Variants in TTC23 observed in about 807,000 individuals in gnomAD.
TTC23 encodes the protein tetratricopeptide repeat protein 23.
A neutral mutation model predicts 55.1 loss-of-function variants in TTC23; 58 were observed. That is an observed-to-expected ratio of 1.05 (90% CI 0.85 to 1.31). The LOEUF is 1.31. Ranked by LOEUF, TTC23 falls within the 50% of genes most tolerant of loss-of-function variation. The pLI, the probability that TTC23 is intolerant of heterozygous loss-of-function variation, is 0.00. For missense variants in TTC23, 516 were observed against 534.4 expected (o/e 0.97, Z 0.34); for synonymous variants, 203 against 199.9 (o/e 1.02, Z -0.13).
chr15:99,195,750 T>C (rs1025685848), intron 9 of TTC23, among the ~76,000 whole-genome samples: 5 of 151,836 alleles, frequency 3.3e-5, no homozygotes, highest in Admixed American at 2.6e-4. Flanking sequence ...GATGTGTCAA[T>C]GTAGGCTCAT....
At chr15:99,143,463 C>G (rs1307808722) in intron 12 of TTC23, among the ~76,000 whole-genome samples, 1 of 152,216 alleles carries the variant, frequency 6.6e-6, no homozygotes, top group Non-Finnish European at 1.5e-5. Flanking sequence ...CAAACCTTGA[C>G]AGTAGAACAT....
At chr15:99,182,768 T>C (rs948601451) in intron 9 of TTC23, among the ~76,000 whole-genome samples, 4 of 151,978 alleles carry the variant, frequency 2.6e-5, no homozygotes, top group African/African-American at 9.7e-5. Flanking sequence ...CTTTCCTATA[T>C]AGCTTGATTT....
chr15:99,162,324 G>T (rs1465704150), intron 10 of TTC23, among the ~76,000 whole-genome samples: 2 of 152,140 alleles, frequency 1.3e-5, no homozygotes, highest in Non-Finnish European at 2.9e-5. Context: ...AAATATTGCT[G>T]ACATGCCGCT....
At chr15:99,212,924 G>T (rs558340909) in intron 8 of TTC23, among the ~76,000 whole-genome samples, 226 of 147,680 alleles carry the variant, frequency 1.5e-3, no homozygotes, top group African/African-American at 5.4e-3. Flanking sequence ...GGTCAAGGCT[G>T]CCGTGAGCTG....
intron 9 of TTC23, among the ~76,000 whole-genome samples, chr15:99,186,800 A>G (rs2074708288): frequency 6.6e-6 from 1 of 152,168 alleles, no homozygotes; most frequent in South Asian, 2.1e-4. Context: ...AATGACATGA[A>G]AGAAGAGCTA....
rs1399001045 is a variant in TTC23, at chr15:99,168,571, G to C, written c.865+6479C>G. Among the ~76,000 whole-genome samples the C allele has an allele frequency of 2.0e-5, 3 of 152,206 alleles. No individual in the cohort carries two copies. The East Asian group carries it at 5.8e-4, about 29-fold the overall frequency. ...TGAACGCAAATTACAAACCAGCTCA[G>C]AAGTGAAAAACCCGAACCTCATGAA... On this transcript the variant is annotated intron_variant, in intron 10 of 13. Coordinates refer to ENST00000394132, the MANE Select transcript of TTC23 (RefSeq NM_001288615.3).
At chr15:99,232,207 C>T (rs373957640) in intron 4 of TTC23, among the ~76,000 whole-genome samples, 60 of 151,616 alleles carry the variant, frequency 4.0e-4, no homozygotes, top group African/African-American at 1.1e-3. Flanking sequence ...TGGCGGGGCG[C>T]GGTGGCTCAC....
chr15:99,197,621 G>A (rs2075853434), intron 9 of TTC23, among the ~76,000 whole-genome samples: 1 of 151,976 alleles, frequency 6.6e-6, no homozygotes, highest in Non-Finnish European at 1.5e-5. Context: ...AAAAAGGGAG[G>A]GAGGCCAGGC....
At chr15:99,166,561 T>G (rs2072124994) in intron 10 of TTC23, among the ~76,000 whole-genome samples, 1 of 152,154 alleles carries the variant, frequency 6.6e-6, no homozygotes, top group South Asian at 2.1e-4. Context: ...AAGGAGTGTA[T>G]TCCTTACATG....
At chr15:99,218,490 C>A in intron 8 of TTC23, 98 bp downstream of exon 8, 1 of 1,508,632 alleles carries the variant, frequency 6.6e-7, no homozygotes, top group Non-Finnish European at 9.1e-7. Flanking sequence ...GAAGCCATGG[C>A]CGCAGCCTCA....
chr15:99,162,081 T>C (rs774792514), intron 10 of TTC23, among the ~76,000 whole-genome samples: 1 of 152,218 alleles, frequency 6.6e-6, no homozygotes, highest in East Asian at 1.9e-4. Flanking sequence ...TTAATTTTCA[T>C]ACATCTAGCT....
intron 5 of TTC23, among the ~76,000 whole-genome samples, chr15:99,226,479 T>C (rs987278314): frequency 3.9e-5 from 6 of 152,174 alleles, no homozygotes; most frequent in Admixed American, 6.5e-5. Flanking sequence ...TATTTTAAAA[T>C]ACAAAATTAC....
intron 8 of TTC23, among the ~76,000 whole-genome samples, chr15:99,210,301 A>G (rs12324187): frequency 0.45 from 68,958 of 151,918 alleles, 15,719 homozygotes; most frequent in Middle Eastern, 0.59. Context: ...AAGCAGATAA[A>G]GTATATGAGA....
intron 9 of TTC23, among the ~76,000 whole-genome samples, chr15:99,197,993 CT>C (rs1567458004): frequency 6.6e-6 from 1 of 152,126 alleles, no homozygotes. Context: ...GGCAGTCTTT[CT>C]CTGTTTCATT....
At chr15:99,141,409 T>C (rs1367730480) in intron 12 of TTC23, among the ~76,000 whole-genome samples, 3 of 152,096 alleles carry the variant, frequency 2.0e-5, no homozygotes, top group East Asian at 1.9e-4. Context: ...GGGAATGATA[T>C]CAAATTTAAA....
In TTC23 at chr15:99,240,376, A is replaced by C. The variant is rs2079670176; in HGVS notation, c.-114+989T>G. ...ATTTATTCTGAGCACTCATAGGCTC[A>C]TCTAACTTGTATATATATATTTTTT... On this transcript the variant is annotated intron_variant, in intron 3 of 13. Transcript: ENST00000394132. Among the ~76,000 whole-genome samples the C allele has an allele frequency of 3.3e-5, 5 of 152,220 alleles. No homozygotes were observed. In the South Asian group the frequency reaches 1.0e-3, roughly 31 times the overall value.
At chr15:99,138,398 C>G (rs4965215) in intron 13 of TTC23, among the ~76,000 whole-genome samples, 13,184 of 151,916 alleles carry the variant, frequency 0.087, 780 homozygotes, top group East Asian at 0.29. Flanking sequence ...CCTGCAACTT[C>G]CGCCTCCCAG....
intron 4 of TTC23, among the ~76,000 whole-genome samples, chr15:99,233,794 A>G (rs2079105117): frequency 6.6e-6 from 1 of 152,220 alleles, no homozygotes; most frequent in East Asian, 1.9e-4. Context: ...ATTTATGATA[A>G]AGCTACGGTA....
At chr15:99,138,749 G>A (rs2067850945) in intron 13 of TTC23, among the ~76,000 whole-genome samples, 1 of 152,234 alleles carries the variant, frequency 6.6e-6, no homozygotes, top group South Asian at 2.1e-4. Flanking sequence ...CGCCTTCCCT[G>A]CCCTCAAAGG....
Sources: gnomAD v4.1 joint callset for allele counts (sites outside exome capture counted in the v4.1 genomes callset) on GRCh38, gnomAD v4.1.1 for gene constraint, MANE v1.5 for transcripts, NCBI Gene and HGNC (gene_info 2026-07-23, HGNC 2026-07-21) for gene names.